Variants in TMEM132B observed in about 807,000 individuals in gnomAD.
TMEM132B encodes transmembrane protein 132B.
Under a neutral mutation model 90.8 loss-of-function variants are expected in TMEM132B, and 18 were observed. The ratio of observed to expected loss-of-function variants is 0.20; its 90% CI spans 0.14 to 0.29. The LOEUF is 0.29. TMEM132B is among the 10% of genes least tolerant of loss of function. TMEM132B has a pLI of 1.00. For missense variants in TMEM132B, 1,096 were observed against 1,326.8 expected (o/e 0.83, Z 2.70); for synonymous variants, 504 against 523.3 (o/e 0.96, Z 0.50).
At chr12:125,217,268 G>A (rs1408226242) in intron 1 of TMEM132B, among the ~76,000 whole-genome samples, 1 of 152,180 alleles carries the variant, frequency 6.6e-6, no homozygotes, top group Non-Finnish European at 1.5e-5. Context: ...GGGTGGGGAA[G>A]AGAGGCCAGG....
In TMEM132B at chr12:125,578,630, G is replaced by C. The variant is rs373219418; in HGVS notation, c.1294-5221G>C. 2.6e-4 allele frequency among the ~76,000 whole-genome samples: 39 copies of C among 152,190 alleles called. 1 individual carries two copies. The East Asian group carries it at 2.8e-3, about 11-fold the overall frequency. Reference sequence around the variant, plus strand: ...TTGGTATTTCTTGGAAGATGAGTCTGTTAGTGAAGAACTCTCTCACTTTCT... The same window carrying C: ...TTGGTATTTCTTGGAAGATGAGTCTCTTAGTGAAGAACTCTCTCACTTTCT... On this transcript the variant is annotated intron_variant, in intron 4 of 8. Coordinates refer to ENST00000682704, the MANE Select transcript of TMEM132B (RefSeq NM_001366854.1).
chr12:125,417,988 G>A (rs946577409), intron 3 of TMEM132B, among the ~76,000 whole-genome samples: 2 of 152,208 alleles, frequency 1.3e-5, no homozygotes, highest in Non-Finnish European at 2.9e-5. Flanking sequence ...TGCTGATGGG[G>A]ACAGGAGATG....
At chr12:125,263,729 T>C (rs1025545167) in intron 1 of TMEM132B, among the ~76,000 whole-genome samples, 6 of 152,246 alleles carry the variant, frequency 3.9e-5, no homozygotes, top group Non-Finnish European at 8.8e-5. Flanking sequence ...ATGTGCAGTA[T>C]AACCAAGGGT....
At chr12:125,214,480 C>A (rs1873389295) in intron 1 of TMEM132B, among the ~76,000 whole-genome samples, 1 of 152,166 alleles carries the variant, frequency 6.6e-6, no homozygotes, top group Admixed American at 6.5e-5. Context: ...ACGTGACAAT[C>A]CTTGGCCCAA....
intron 3 of TMEM132B, among the ~76,000 whole-genome samples, chr12:125,517,592 G>A (rs1329505357): frequency 6.6e-6 from 1 of 152,046 alleles, no homozygotes; most frequent in Non-Finnish European, 1.5e-5. Context: ...GGGACCACCT[G>A]GCTATGTTTG....
intron 4 of TMEM132B, among the ~76,000 whole-genome samples, chr12:125,542,105 C>T (rs1883975104): frequency 6.6e-6 from 1 of 150,416 alleles, no homozygotes; most frequent in Non-Finnish European, 1.5e-5. Context: ...GGTGCAAAGC[C>T]ACTCTGGGAA....
At chr12:125,421,606 A>G (rs1397987020) in intron 3 of TMEM132B, among the ~76,000 whole-genome samples, 1 of 152,232 alleles carries the variant, frequency 6.6e-6, no homozygotes, top group East Asian at 1.9e-4. Flanking sequence ...GCCAAACCAT[A>G]TCAGCTACCA....
At chr12:125,413,734 C>G (rs10744204) in intron 2 of TMEM132B, among the ~76,000 whole-genome samples, 55,184 of 152,002 alleles carry the variant, frequency 0.36, 10,203 homozygotes, top group East Asian at 0.53. Context: ...TTTATTTATC[C>G]CTCCATCATA....
At position 125,536,226 on chromosome 12, in the gene TMEM132B, T is replaced by C. The variant is rs116287076; in HGVS notation, c.1293+16601T>C. 5.3e-3 allele frequency among the ~76,000 whole-genome samples: 813 copies of C among 152,270 alleles called. 9 individuals carry two copies. The highest frequency in any genetic ancestry group is 0.019 in the African/African-American group (770 of 41,548). ...GGTGGTGACAGACTGCTGCACAGAG[T>C]TGGTTGCATGTCAGAGTTAAACAGA... On this transcript the variant is annotated intron_variant, in intron 4 of 8. Transcript: ENST00000682704.
At chr12:125,355,815 G>A (rs975899962) in intron 2 of TMEM132B, among the ~76,000 whole-genome samples, 2 of 152,212 alleles carry the variant, frequency 1.3e-5, no homozygotes, top group Non-Finnish European at 2.9e-5. Flanking sequence ...AGAAACAGAT[G>A]TGTACCATTC....
intron 3 of TMEM132B, among the ~76,000 whole-genome samples, chr12:125,451,651 C>A: frequency 6.7e-6 from 1 of 148,452 alleles, no homozygotes; most frequent in Non-Finnish European, 1.5e-5. Context: ...TTTTACTATT[C>A]ATGCTTTGGC....
intron 2 of TMEM132B, among the ~76,000 whole-genome samples, chr12:125,379,202 G>A (rs1284724489): frequency 6.6e-6 from 1 of 152,170 alleles, no homozygotes; most frequent in Non-Finnish European, 1.5e-5. Context: ...TATGTTACAT[G>A]GCAAGGGGGA....
At chr12:125,293,161 C>T (rs1875585524) in intron 1 of TMEM132B, among the ~76,000 whole-genome samples, 1 of 152,172 alleles carries the variant, frequency 6.6e-6, no homozygotes, top group South Asian at 2.1e-4. Context: ...ACAGTCTCTC[C>T]CTGAGACATT....
At chr12:125,301,044 T>C (rs189426567) in intron 1 of TMEM132B, 1 of 152,308 alleles carries the variant, frequency 6.6e-6, no homozygotes, top group East Asian at 1.9e-4. Flanking sequence ...TATATATGTA[T>C]GTATGTTGGT....
rs1881405477 is a variant in TMEM132B, at chr12:125,460,373, T to A, written c.1106+44696T>A. On this transcript the variant is annotated intron_variant, in intron 3 of 8. Coordinates refer to ENST00000682704, the MANE Select transcript of TMEM132B (RefSeq NM_001366854.1). The surrounding 1 kb of genome is among the most constrained non-coding windows in gnomAD (Gnocchi z 4.4). ...TGGGCATGGTGGTGGGCGCCTGTAA[T>A]CTCAGCTACTCAGGAGGCTGAGGCA... Among the ~76,000 whole-genome samples the A allele has an allele frequency of 6.6e-6, 1 of 151,962 alleles. No homozygotes were observed. The highest frequency in any genetic ancestry group is 2.4e-5 in the African/African-American group (1 of 41,344).
intron 1 of TMEM132B, among the ~76,000 whole-genome samples, chr12:125,253,772 G>A (rs1037462927): frequency 3.3e-5 from 5 of 152,102 alleles, no homozygotes; most frequent in Non-Finnish European, 7.4e-5. Flanking sequence ...ACCCCATGAG[G>A]CTGTATTGTT....
intron 1 of TMEM132B, among the ~76,000 whole-genome samples, chr12:125,294,236 A>G (rs1044868086): frequency 1.3e-5 from 2 of 152,224 alleles, no homozygotes; most frequent in African/African-American, 2.4e-5. Context: ...ATAACTGCCT[A>G]TATACCACTA....
chr12:125,356,751 C>T (rs1370279728), intron 2 of TMEM132B, among the ~76,000 whole-genome samples: 1 of 152,188 alleles, frequency 6.6e-6, no homozygotes, highest in African/African-American at 2.4e-5. Context: ...ATGACTTTTC[C>T]TCTCCCCACT....
intron 5 of TMEM132B, among the ~76,000 whole-genome samples, chr12:125,600,288 A>G (rs1885539693): frequency 6.6e-6 from 1 of 152,066 alleles, no homozygotes; most frequent in Admixed American, 6.5e-5. Flanking sequence ...AAATAGAAGC[A>G]TATCATCATC....
Sources: gnomAD v4.1 joint callset for allele counts (sites outside exome capture counted in the v4.1 genomes callset) on GRCh38, gnomAD v4.1.1 for gene constraint, Gnocchi (gnomAD v3.1) non-coding constraint, MANE v1.5 for transcripts, NCBI Gene and HGNC (gene_info 2026-07-23, HGNC 2026-07-21) for gene names.